Variants in MRPS28 observed in about 807,000 individuals in gnomAD.
MRPS28 encodes the protein mitochondrial ribosomal protein S28, also known as small ribosomal subunit protein bS1m.
Under a neutral mutation model 10.8 loss-of-function variants are expected in MRPS28, and 7 were observed. The observed-to-expected ratio is 0.65, with a 90% CI of 0.37 to 1.22. MRPS28 has a LOEUF of 1.22. MRPS28 is among the 50% of genes most tolerant of loss of function. MRPS28 has a pLI of 0.02. For missense variants in MRPS28, 265 were observed against 232.9 expected (o/e 1.14, Z -0.90); for synonymous variants, 121 against 93.3 (o/e 1.30, Z -1.71).
chr8:79,963,856 A>G lies in MRPS28; in HGVS notation c.395+39143T>C, dbSNP rs572639385. Reference sequence around the variant, plus strand: ...GTCCCTGTGGCCAGCAGTTGTATCCATATGCACATGACAGGTCAAGTGAGA... The same window carrying G: ...GTCCCTGTGGCCAGCAGTTGTATCCGTATGCACATGACAGGTCAAGTGAGA... On this transcript the variant is annotated intron_variant, in intron 2 of 2. Transcript: ENST00000276585. Among the ~76,000 whole-genome samples, 14 of 152,224 alleles carry G rather than the reference A, an allele frequency of 9.2e-5. 1 individual carries two copies. The East Asian group carries it at 2.3e-3, about 25-fold the overall frequency.
chr8:79,985,147 A>C (rs1808114498), intron 2 of MRPS28, among the ~76,000 whole-genome samples: 1 of 152,204 alleles, frequency 6.6e-6, no homozygotes, highest in Non-Finnish European at 1.5e-5. Flanking sequence ...AACTACATGG[A>C]AACTGAACAA....
chr8:79,978,108 TC>T (rs1807850787), intron 2 of MRPS28, among the ~76,000 whole-genome samples: 1 of 152,068 alleles, frequency 6.6e-6, no homozygotes, highest in African/African-American at 2.4e-5. Flanking sequence ...ATAAGAACAG[TC>T]CATCTATTTA....
chr8:79,989,062 C>T (rs746729700), intron 2 of MRPS28, among the ~76,000 whole-genome samples: 11 of 152,090 alleles, frequency 7.2e-5, no homozygotes, highest in Non-Finnish European at 1.0e-4. Flanking sequence ...GGGCAGGTAA[C>T]CAGATGTCCC....
chr8:79,972,038 G>A (rs1182912354), intron 2 of MRPS28, among the ~76,000 whole-genome samples: 1 of 151,950 alleles, frequency 6.6e-6, no homozygotes, highest in Non-Finnish European at 1.5e-5. Flanking sequence ...TCCACTGTAT[G>A]GCAAGTTCCA....
chr8:79,925,768 G>A lies in MRPS28; in HGVS notation c.396-6620C>T, dbSNP rs576783124. Among the ~76,000 whole-genome samples, 6 of 152,172 alleles carry A rather than the reference G, an allele frequency of 3.9e-5. No homozygotes were observed. In the South Asian group the frequency reaches 1.2e-3, roughly 32 times the overall value. On this transcript the variant is annotated intron_variant, in intron 2 of 2. Coordinates refer to ENST00000276585, the MANE Select transcript of MRPS28 (RefSeq NM_014018.3). Reference sequence around the variant, plus strand: ...TTTGGGAGACCGAGGCAGGAGGACTGCTTGAGTTCAGAGTTCAAGACCAGC... The same window carrying A: ...TTTGGGAGACCGAGGCAGGAGGACTACTTGAGTTCAGAGTTCAAGACCAGC...
chr8:79,918,877 TTTA>T lies in MRPS28; in HGVS notation c.*100_*102del. 1 of 944,748 alleles carries T rather than the reference TTTA, an allele frequency of 1.1e-6. No homozygotes were observed. Among genetic ancestry groups the T allele is most frequent in the Non-Finnish European group, 1.5e-6 (1 of 685,424 alleles). 58.5% of individuals were successfully genotyped at this position (944,748 alleles called of 1,614,324 possible). On this transcript the variant is annotated 3_prime_UTR_variant, in exon 3 of 3. Coordinates refer to ENST00000276585, the MANE Select transcript of MRPS28 (RefSeq NM_014018.3). The stretch of plus-strand genomic sequence containing the variant: ...GAGTTATCTATAATTATAGCTTTTA[TTTA>T]TTATATCTTCATTCAATCATTTATT...
intron 2 of MRPS28, among the ~76,000 whole-genome samples, chr8:79,928,901 C>T (rs1163440641): frequency 1.3e-5 from 2 of 152,024 alleles, no homozygotes; most frequent in African/African-American, 2.4e-5. Context: ...CAAAAATTAG[C>T]TGGGCGTGGT....
chr8:79,971,853 C>T (rs1351232316), intron 2 of MRPS28, among the ~76,000 whole-genome samples: 1 of 152,056 alleles, frequency 6.6e-6, no homozygotes, highest in Non-Finnish European at 1.5e-5. Context: ...GGGAGACACG[C>T]CACCACGTCT....
chr8:79,940,326 G>A (rs990745244), intron 2 of MRPS28, among the ~76,000 whole-genome samples: 1 of 152,072 alleles, frequency 6.6e-6, no homozygotes, highest in Non-Finnish European at 1.5e-5. Flanking sequence ...CATATCATCT[G>A]GTACTTTGGT....
intron 1 of MRPS28, chr8:80,029,763 T>A: frequency 6.7e-7 from 1 of 1,490,342 alleles, no homozygotes; most frequent in African/African-American, 1.4e-5. Context: ...CTGGTTACCT[T>A]CCCACCAGCA....
chr8:79,966,798 T>C (rs982384388), intron 2 of MRPS28, among the ~76,000 whole-genome samples: 1 of 152,172 alleles, frequency 6.6e-6, no homozygotes, highest in South Asian at 2.1e-4. Context: ...ATGTATGCTA[T>C]GTATAAAAAA....
chr8:79,962,584 C>T (rs568366049), intron 2 of MRPS28, among the ~76,000 whole-genome samples: 1 of 152,172 alleles, frequency 6.6e-6, no homozygotes, highest in African/African-American at 2.4e-5. Context: ...CTTCATAATA[C>T]CACTAGTGAC....
intron 2 of MRPS28, among the ~76,000 whole-genome samples, chr8:79,969,291 G>T (rs2130032413): frequency 6.6e-6 from 1 of 152,282 alleles, no homozygotes; most frequent in East Asian, 1.9e-4. Flanking sequence ...AAGGGCTTAG[G>T]TTATCTTTTT....
At chr8:79,992,345 T>G (rs150018897) in intron 2 of MRPS28, among the ~76,000 whole-genome samples, 143 of 152,330 alleles carry the variant, frequency 9.4e-4, no homozygotes, top group African/African-American at 2.8e-3. Flanking sequence ...GTGCCATTCC[T>G]CATGCCATTT....
At chr8:79,950,991 T>C (rs564883797) in intron 2 of MRPS28, among the ~76,000 whole-genome samples, 93 of 152,320 alleles carry the variant, frequency 6.1e-4, no homozygotes, top group Non-Finnish European at 1.1e-3. Flanking sequence ...GCATGCCCCA[T>C]TTTATTCATG....
intron 1 of MRPS28, among the ~76,000 whole-genome samples, chr8:80,026,833 CTT>C (rs1257770923): frequency 3.3e-5 from 5 of 152,148 alleles, no homozygotes; most frequent in South Asian, 2.1e-4. Flanking sequence ...TTTATTGTCT[CTT>C]TGAATGACAC....
chr8:79,991,129 T>C (rs932250226), intron 2 of MRPS28, among the ~76,000 whole-genome samples: 3 of 152,280 alleles, frequency 2.0e-5, no homozygotes, highest in African/African-American at 7.2e-5. Flanking sequence ...ATTGAGTGGA[T>C]GCAGGAGGAA....
chr8:79,968,407 G>T (rs1445824238), intron 2 of MRPS28, among the ~76,000 whole-genome samples: 1 of 151,986 alleles, frequency 6.6e-6, no homozygotes, highest in Non-Finnish European at 1.5e-5. Context: ...CTAGAATGGG[G>T]CTTAGAAATT....
intron 2 of MRPS28, among the ~76,000 whole-genome samples, chr8:79,988,254 A>G (rs1244873385): frequency 8.5e-6 from 1 of 117,902 alleles, no homozygotes; most frequent in African/African-American, 3.3e-5. Context: ...GGGGAACATC[A>G]CACTCTGGGG....
Sources: gnomAD v4.1 joint callset for allele counts (sites outside exome capture counted in the v4.1 genomes callset) on GRCh38, gnomAD v4.1.1 for gene constraint, MANE v1.5 for transcripts, NCBI Gene and HGNC (gene_info 2026-07-23, HGNC 2026-07-21) for gene names.